Variants in ARFGEF1 observed in about 807,000 individuals in gnomAD.
ARFGEF1 encodes the protein ARF guanine nucleotide exchange factor 1.
ARFGEF1 carries 42 observed loss-of-function variants against 231.0 expected under a neutral mutation model. The ratio of observed to expected loss-of-function variants is 0.18; its 90% confidence interval spans 0.14 to 0.24. The LOEUF is 0.24. Among genes scored for constraint, ARFGEF1 ranks in the 10% least tolerant of loss-of-function variants. The pLI, the probability that ARFGEF1 is intolerant of heterozygous loss-of-function variation, is 1.00. For missense variants in ARFGEF1, 1,345 were observed against 2,192.0 expected (o/e 0.61, Z 7.72); for synonymous variants, 710 against 732.3 (o/e 0.97, Z 0.49).
chr8:67,254,725 T>C (rs1840401003), intron 17 of ARFGEF1, among the ~76,000 whole-genome samples: 1 of 152,162 alleles, frequency 6.6e-6, no homozygotes. Flanking sequence ...TATACACTTA[T>C]TTACTTCAGA....
chr8:67,253,639 A>G lies in ARFGEF1; in HGVS notation c.2527-17T>C, dbSNP rs1420525470. The G allele has an allele frequency of 3.8e-6, 5 of 1,327,684 alleles. No individual in the cohort carries two copies. Among genetic ancestry groups the G allele is most frequent in the Non-Finnish European group, 5.1e-6 (5 of 986,572 alleles). 82.2% of individuals were successfully genotyped at this position (1,327,684 alleles called of 1,614,324 possible). ...ATTTTTCACCTAGATATGAAAAACC[A>G]TTATAATTCCTAAAAATTAACATAA... On this transcript the variant is annotated splice_polypyrimidine_tract_variant and intron_variant, in intron 17 of 38. Coordinates refer to ENST00000262215, the MANE Select transcript of ARFGEF1 (RefSeq NM_006421.5).
intron 7 of ARFGEF1, among the ~76,000 whole-genome samples, chr8:67,282,424 T>C (rs1805572125): frequency 6.6e-6 from 1 of 152,074 alleles, no homozygotes; most frequent in African/African-American, 2.4e-5. Flanking sequence ...AACAAAATAT[T>C]AGAAAAAGGT....
chr8:67,190,593 T>A, intron 5 of ARFGEF1: 1 of 1,309,108 alleles, frequency 7.6e-7, no homozygotes, highest in Non-Finnish European at 1.1e-6. Flanking sequence ...TTGGTTTAGC[T>A]CTGGGTAAGA....
intron 7 of ARFGEF1, among the ~76,000 whole-genome samples, chr8:67,279,800 GTAAATGAA>G (rs1805462229): frequency 6.6e-6 from 1 of 152,218 alleles, no homozygotes; most frequent in Admixed American, 6.5e-5. Flanking sequence ...TGAGGGAAGA[GTAAATGAA>G]TAAATACAAG....
chr8:67,315,734 G>T lies in ARFGEF1; in HGVS notation c.125-13268C>A, dbSNP rs554383615. On this transcript the variant is annotated intron_variant, in intron 1 of 38. Coordinates refer to ENST00000262215, the MANE Select transcript of ARFGEF1 (RefSeq NM_006421.5). ...AACAACACACTTCTAAATAATCCAT[G>T]GGTCAGAGGAAGTCTTAAGGGAAAT... Among the ~76,000 whole-genome samples the T allele has an allele frequency of 3.9e-5, 6 of 152,224 alleles. No homozygotes were observed. In the East Asian group the frequency reaches 9.6e-4, roughly 24 times the overall value.
intron 34 of ARFGEF1, among the ~76,000 whole-genome samples, chr8:67,210,628 G>A (rs899377848): frequency 6.6e-6 from 1 of 152,164 alleles, no homozygotes; most frequent in Non-Finnish European, 1.5e-5. Context: ...CATGCAGAAG[G>A]GGGTGGAGAA....
At chr8:67,336,585 T>A (rs115686686) in intron 1 of ARFGEF1, among the ~76,000 whole-genome samples, 1 of 152,192 alleles carries the variant, frequency 6.6e-6, no homozygotes, top group African/African-American at 2.4e-5. Context: ...TGGCATTCCA[T>A]AGCATGTGGC....
rs1838149111 is a variant in ARFGEF1 at position 67,197,954 on chromosome 8, A to G, written c.*980T>C. On this transcript the variant is annotated 3_prime_UTR_variant, in exon 39 of 39. Transcript: ENST00000262215. ...CAGATTTGTTATTTTAATATATTCA[A>G]CGTTAAATTCTGTACATAGAGTAAA... 1 of 985,762 alleles carries G rather than the reference A, an allele frequency of 1.0e-6. No homozygotes were observed. The highest frequency in any genetic ancestry group is 1.7e-5 in the African/African-American group (1 of 57,248). The allele number at this position is 985,762 out of a possible 1,614,324, so 61.1% of individuals were successfully genotyped here.
chr8:67,311,875 T>C (rs1295424367), intron 1 of ARFGEF1, among the ~76,000 whole-genome samples: 1 of 152,208 alleles, frequency 6.6e-6, no homozygotes, highest in African/African-American at 2.4e-5. Flanking sequence ...GGGAGAATTT[T>C]CATTTTGCTC....
chr8:67,210,386 G>A (rs542127000), intron 34 of ARFGEF1, among the ~76,000 whole-genome samples: 182 of 151,232 alleles, frequency 1.2e-3, no homozygotes, highest in Non-Finnish European at 2.4e-3. Flanking sequence ...AGGCTAAGGT[G>A]GGAAGATCGC....
chr8:67,256,046 C>T (rs1840442785), intron 17 of ARFGEF1, among the ~76,000 whole-genome samples: 1 of 152,130 alleles, frequency 6.6e-6, no homozygotes, highest in Non-Finnish European at 1.5e-5. Flanking sequence ...TAAAGCATAG[C>T]TTTTTAAAAC....
At chr8:67,274,305 C>T (rs1805222995) in intron 9 of ARFGEF1, among the ~76,000 whole-genome samples, 1 of 147,530 alleles carries the variant, frequency 6.8e-6, no homozygotes, top group Non-Finnish European at 1.5e-5. Context: ...GATGTAACTA[C>T]GAAAGCTTGA....
At position 67,217,793 on chromosome 8, in the gene ARFGEF1, T is replaced by G; in HGVS notation, c.4602A>C (p.Thr1534=). The stretch of plus-strand genomic sequence containing the variant: ...TAAAATCTTCTTACGCATGTGGGAT[T>G]GTGGTTTTGAAGATATCCAGTGTGC... ...CNCTLDIFKT[T]IPHALLTWRP... is the part of the protein sequence containing the mutation. Residue 1534 remains threonine, a synonymous_variant, in exon 32 of 39, where the codon ACA becomes ACC. Coordinates refer to ENST00000262215, the MANE Select transcript of ARFGEF1 (RefSeq NM_006421.5). 6.2e-7 allele frequency: 1 copy of G among 1,613,792 alleles called. No homozygotes were observed. The highest frequency in any genetic ancestry group is 2.2e-5 in the East Asian group (1 of 44,858).
intron 1 of ARFGEF1, among the ~76,000 whole-genome samples, chr8:67,320,370 A>T (rs562499968): frequency 6.6e-6 from 1 of 152,216 alleles, no homozygotes; most frequent in Admixed American, 6.5e-5. Context: ...GTCGGTAAGG[A>T]TATGGAGCAA....
At chr8:67,337,316 G>A (rs1283637554) in intron 1 of ARFGEF1, among the ~76,000 whole-genome samples, 5 of 151,946 alleles carry the variant, frequency 3.3e-5, no homozygotes, top group African/African-American at 1.2e-4. Context: ...TTCTATCCTA[G>A]TGTCCCCCAT....
At chr8:67,195,412 A>ACAT, downstream of ARFGEF1, 1 of 1,614,042 alleles carries the variant, frequency 6.2e-7, no homozygotes. Context: ...GACCCTGATG[A>ACAT]CATCATGAAA....
At chr8:67,324,899 G>C (rs368667048) in intron 1 of ARFGEF1, among the ~76,000 whole-genome samples, 1 of 147,770 alleles carries the variant, frequency 6.8e-6, no homozygotes, top group Non-Finnish European at 1.5e-5. Context: ...CAAAGAGCCA[G>C]AGAGAAAAAA....
At chr8:67,343,107 G>GGGC in intron 1 of ARFGEF1, 57 bp downstream of exon 1, 1 of 426,110 alleles carries the variant, frequency 2.3e-6, no homozygotes, top group Non-Finnish European at 3.5e-6. Flanking sequence ...CCCCACAGGC[G>GGGC]CCCCCCTCCC....
In ARFGEF1 at chr8:67,338,672, T is replaced by C. The variant is rs1808458260; in HGVS notation, c.124+4492A>G. Among the ~76,000 whole-genome samples the C allele has an allele frequency of 2.6e-5, 4 of 152,354 alleles. No homozygotes were observed. In the South Asian group the frequency reaches 8.3e-4, roughly 32 times the overall value. On this transcript the variant is annotated intron_variant, in intron 1 of 38. Coordinates refer to ENST00000262215, the MANE Select transcript of ARFGEF1 (RefSeq NM_006421.5). ...AGAGCAAGTGTCCTAAAAACAAATC[T>C]GAAATGTGAAAGAAAAGAACAAATA... is the stretch of plus-strand genomic sequence containing the variant.
Sources: allele counts gnomAD v4.1 joint callset (sites outside exome capture counted in the v4.1 genomes callset), GRCh38; gene constraint gnomAD v4.1.1; transcripts MANE v1.5; gene names NCBI Gene and HGNC (gene_info 2026-07-23, HGNC 2026-07-21).